CYB561D2: variants seen among roughly 807,000 people sequenced by gnomAD.
CYB561D2 encodes the protein transmembrane reductase CYB561D2.
Under a neutral mutation model 20.2 loss-of-function variants are expected in CYB561D2, and 16 were observed. The ratio of observed to expected loss-of-function variants is 0.79; its 90% confidence interval spans 0.53 to 1.20. The LOEUF (loss-of-function observed/expected upper bound fraction) is 1.20, where lower values mean the gene tolerates loss of function less well. Among genes scored for constraint, CYB561D2 ranks in the 50% most tolerant of loss-of-function variants. The pLI, the probability that CYB561D2 is intolerant of heterozygous loss-of-function variation, is 0.00. For synonymous variants in CYB561D2, 135 were observed against 128.3 expected (o/e 1.05, Z -0.35); for missense variants, 247 against 270.3 (o/e 0.91, Z 0.60).
At chr3:50,351,901 G>A (rs1575565618) in intron 2 of CYB561D2, 108 bp from the exon 3 acceptor site, 2 of 1,364,096 alleles carry the variant, frequency 1.5e-6, no homozygotes, top group East Asian at 4.6e-5. Flanking sequence ...TCACAGTTTG[G>A]CAGCACCTCC....
At chr3:50,351,718 G>A (rs587737164) in intron 2 of CYB561D2, among the ~76,000 whole-genome samples, 158 bp downstream of exon 2, 1 of 152,364 alleles carries the variant, frequency 6.6e-6, no homozygotes, top group Non-Finnish European at 1.5e-5. Context: ...AGGGCACACA[G>A]AATTCCTGGT....
At chr3:50,352,352 C>T (rs1390136509) in intron 3 of CYB561D2, among the ~76,000 whole-genome samples, 5 of 151,770 alleles carry the variant, frequency 3.3e-5, no homozygotes, top group African/African-American at 7.3e-5. Flanking sequence ...TGGTGGCACG[C>T]GCCTGTAGTC....
chr3:50,350,880 T>G lies in CYB561D2; in HGVS notation c.-130T>G, dbSNP rs1703736116. 1 of 1,401,068 alleles carries G rather than the reference T, an allele frequency of 7.1e-7. No homozygotes were observed. Among genetic ancestry groups the G allele is most frequent in the African/African-American group, 1.5e-5 (1 of 68,686 alleles). 86.8% of individuals were successfully genotyped at this position (1,401,068 alleles called of 1,614,324 possible). Reference sequence around the variant, plus strand: ...GGTGGGTAGACGTCGCACCCGGAAGTAAAGCGGCTCCGTGACGGAGCGGCG... The same window carrying G: ...GGTGGGTAGACGTCGCACCCGGAAGGAAAGCGGCTCCGTGACGGAGCGGCG... On this transcript the variant is annotated 5_prime_UTR_variant, in exon 1 of 4. Transcript: ENST00000425346. The surrounding 1 kb of genome is among the most constrained non-coding windows in gnomAD (Gnocchi z 5.7).
chr3:50,350,895 ACG>A lies in CYB561D2; in HGVS notation c.-114_-113del. 8.6e-6 allele frequency: 12 copies of A among 1,397,426 alleles called. No homozygotes were observed. Among genetic ancestry groups the A allele is most frequent in the Non-Finnish European group, 1.0e-5 (11 of 1,081,302 alleles). The allele number at this position is 1,397,426 out of a possible 1,614,324, so 86.6% of individuals were successfully genotyped here. A position where few individuals can be genotyped will look rare whatever the true frequency, so the allele number is the denominator to read the frequency against. On this transcript the variant is annotated 5_prime_UTR_variant, in exon 1 of 4. Transcript: ENST00000425346. The surrounding 1 kb of genome is among the most constrained non-coding windows in gnomAD (Gnocchi z 5.7). ...CACCCGGAAGTAAAGCGGCTCCGTG[ACG>A]GAGCGGCGGTGCGCGCGGCAGGGCC...
chr3:50,351,889 G>A (rs1030716838), intron 2 of CYB561D2, 120 bp from the exon 3 acceptor site: 3 of 1,210,120 alleles, frequency 2.5e-6, no homozygotes, highest in East Asian at 2.4e-5. Context: ...GCAAGAAGGG[G>A]CTCACAGTTT....
In CYB561D2 at chr3:50,353,362, G is replaced by T; in HGVS notation, c.287G>T (p.Cys96Phe). 6.2e-7 allele frequency: 1 copy of T among 1,613,512 alleles called. No homozygotes were observed. The highest frequency in any genetic ancestry group is 8.5e-7 in the Non-Finnish European group (1 of 1,180,022). The stretch of plus-strand genomic sequence containing the variant: ...GTGCTGCAGCTGCTGGCCCTGCTGT[G>T]TGCACTGCTGGGCCTCGGCCTTGTC... The part of the protein sequence containing the change: ...HWVLQLLALL[C>F]ALLGLGLVIL... Residue 96 changes from cysteine (C) to phenylalanine (F), a missense_variant, in exon 4 of 4, where the codon TGT becomes TTT. Physicochemically the swap from Cys to Phe is radical, Grantham distance 205 (BLOSUM62 -2). Transcript: ENST00000425346.
At chr3:50,353,141 ATCAGCCCAGAC>A in intron 3 of CYB561D2, 89 bp from the exon 4 acceptor site, 1 of 1,467,972 alleles carries the variant, frequency 6.8e-7, no homozygotes, top group Non-Finnish European at 9.1e-7. Context: ...AAAAAGGGGA[ATCAGCCCAGAC>A]TCACTGGCAG....
intron 3 of CYB561D2, among the ~76,000 whole-genome samples, chr3:50,352,260 C>G (rs896156991): frequency 1.3e-5 from 2 of 152,034 alleles, no homozygotes; most frequent in Non-Finnish European, 2.9e-5. Flanking sequence ...GGGCACATCA[C>G]CTGAGGTCAG....
chr3:50,351,677 G>C (rs11712015), intron 2 of CYB561D2, 117 bp downstream of exon 2: 1 of 1,413,480 alleles, frequency 7.1e-7, no homozygotes, highest in East Asian at 2.3e-5. Context: ...GTGCTGGAGC[G>C]ATGAGTGAGG....
At position 50,351,552 on chromosome 3, in the gene CYB561D2, C is replaced by T. The variant is rs1390331086; in HGVS notation, c.119C>T (p.Pro40Leu). The T allele has an allele frequency of 1.9e-6, 3 of 1,612,816 alleles. No individual in the cohort carries two copies. Among genetic ancestry groups the T allele is most frequent in the East Asian group, 4.5e-5 (2 of 44,838 alleles). Residue 40 changes from proline to leucine, a missense_variant, in exon 2 of 4, where the codon CCT becomes CTT. Pro to Leu is a moderately conservative substitution (Grantham distance 98). Coordinates refer to ENST00000425346, the MANE Select transcript of CYB561D2 (RefSeq NM_001291284.2). ...ATCTTTGTGGCTGTGCTTGCCAGGC[C>T]TGGCTCCAGTAAGTAGAATTCATAG... ...FTIFVAVLAR[P>L]GSSLFSWHPV...
chr3:50,352,734 C>T (rs1485108315), intron 3 of CYB561D2, among the ~76,000 whole-genome samples: 1 of 150,532 alleles, frequency 6.6e-6, no homozygotes, highest in East Asian at 2.0e-4. Context: ...TAATGAAGAC[C>T]CAGGACCCAG....
chr3:50,351,499 C>T lies in CYB561D2; in HGVS notation c.66C>T (p.Ala22=), dbSNP rs765533493. The part of the protein sequence containing the change: ...YRALRTASGA[A]AHLVALGFTI... The stretch of plus-strand genomic sequence containing the variant: ...CTCTGCGTACTGCTTCTGGCGCTGC[C>T]GCCCACCTTGTGGCCCTGGGCTTTA... Residue 22 remains alanine (A), a synonymous_variant, in exon 2 of 4, where the codon GCC becomes GCT. Coordinates refer to ENST00000425346, the MANE Select transcript of CYB561D2 (RefSeq NM_001291284.2). 6.2e-7 allele frequency: 1 copy of T among 1,613,808 alleles called. No homozygotes were observed. Among genetic ancestry groups the T allele is most frequent in the South Asian group, 1.1e-5 (1 of 91,090 alleles).
chr3:50,353,906 G>A lies in CYB561D2; in HGVS notation c.*162G>A, dbSNP rs1278468975. 1.3e-5 allele frequency: 10 copies of A among 768,764 alleles called. No homozygotes were observed. The highest frequency in any genetic ancestry group is 2.0e-5 in the Non-Finnish European group (10 of 491,940). The allele number at this position is 768,764 out of a possible 1,614,324, so 47.6% of individuals were successfully genotyped here. On this transcript the variant is annotated 3_prime_UTR_variant, in exon 4 of 4. Coordinates refer to ENST00000425346, the MANE Select transcript of CYB561D2 (RefSeq NM_001291284.2). ...GAATTCCTGCTCCTCATGCTGGAGT[G>A]CCTCCCATTTCCTTCCCCTTTCTCT...
chr3:50,350,934 G>T lies in CYB561D2; in HGVS notation c.-76G>T. 7.3e-7 allele frequency: 1 copy of T among 1,365,158 alleles called. No homozygotes were observed. The highest frequency in any genetic ancestry group is 9.4e-7 in the Non-Finnish European group (1 of 1,059,346). 84.6% of individuals were successfully genotyped at this position (1,365,158 alleles called of 1,614,324 possible). On this transcript the variant is annotated 5_prime_UTR_variant, in exon 1 of 4. Coordinates refer to ENST00000425346, the MANE Select transcript of CYB561D2 (RefSeq NM_001291284.2). The surrounding 1 kb of genome is among the most constrained non-coding windows in gnomAD (Gnocchi z 5.7). ...CGCGCGGCAGGGCCCGGAGTATCCCGCTTTCTTTGGAGGAAACCACCGCAT... is the reference window on the plus strand; with the variant it reads ...CGCGCGGCAGGGCCCGGAGTATCCCTCTTTCTTTGGAGGAAACCACCGCAT...
rs1406000482 is a variant in CYB561D2, at chr3:50,353,833, G to A, written c.*89G>A. The A allele has an allele frequency of 6.1e-6, 9 of 1,464,026 alleles. 1 individual carries two copies. The South Asian group carries it at 1.2e-4, about 19-fold the overall frequency. 90.7% of individuals were successfully genotyped at this position (1,464,026 alleles called of 1,614,324 possible). ...TGTTGAACTCTCTCAGCTGAGTCAG[G>A]GGACACCTCAGGCACTGGGACAGTT... On this transcript the variant is annotated 3_prime_UTR_variant, in exon 4 of 4. Coordinates refer to ENST00000425346, the MANE Select transcript of CYB561D2 (RefSeq NM_001291284.2).
rs1297856534 is a variant in CYB561D2 at position 50,353,223 on chromosome 3, C to A, written c.166-18C>A. On this transcript the variant is annotated intron_variant, in intron 3 of 3. Coordinates refer to ENST00000425346, the MANE Select transcript of CYB561D2 (RefSeq NM_001291284.2). Reference sequence around the variant, plus strand: ...GGGCAGCACCCTCACTTGAGCTTCCCATCCCCTGTTTCCTCAGTTCTCCTT... The same window carrying A: ...GGGCAGCACCCTCACTTGAGCTTCCAATCCCCTGTTTCCTCAGTTCTCCTT... 1.3e-6 allele frequency: 2 copies of A among 1,540,144 alleles called. No individual in the cohort carries two copies. The highest frequency in any genetic ancestry group is 2.7e-5 in the African/African-American group (2 of 72,978).
intron 1 of CYB561D2, 50 bp from the exon 2 acceptor site, chr3:50,351,359 G>A (rs1703753637): frequency 1.3e-6 from 2 of 1,567,646 alleles, no homozygotes; most frequent in South Asian, 1.2e-5. Context: ...CTCCAGTGAG[G>A]AGTGAACAGT....
rs1703756388 is a variant in CYB561D2, at chr3:50,351,407, A to G, written c.-25-2A>G. ...TCCTGGCCCACGCTACTATGCTTTCAGGCTACAACCACTAGCACGGCTGAC... is the reference window on the plus strand; with the variant it reads ...TCCTGGCCCACGCTACTATGCTTTCGGGCTACAACCACTAGCACGGCTGAC... On this transcript the variant is annotated splice_acceptor_variant, in intron 1 of 3. Transcript: ENST00000425346. LOFTEE classifies it low-confidence loss of function (5UTR_SPLICE). 2 of 1,608,892 alleles carry G rather than the reference A, an allele frequency of 1.2e-6. No homozygotes were observed. Among genetic ancestry groups the G allele is most frequent in the African/African-American group, 2.7e-5 (2 of 74,790 alleles).
chr3:50,353,140 A>C, intron 3 of CYB561D2, 101 bp from the exon 4 acceptor site: 1 of 1,463,594 alleles, frequency 6.8e-7, no homozygotes, highest in Non-Finnish European at 9.1e-7. Flanking sequence ...GAAAAAGGGG[A>C]ATCAGCCCAG....
Sources: allele counts gnomAD v4.1 joint callset (sites outside exome capture counted in the v4.1 genomes callset), GRCh38; gene constraint gnomAD v4.1.1; non-coding constraint Gnocchi (gnomAD v3.1); transcripts MANE v1.5; gene names NCBI Gene and HGNC (gene_info 2026-07-23, HGNC 2026-07-21).